UGT1A9: variants seen among roughly 807,000 people sequenced by gnomAD.
The protein encoded by UGT1A9 is UDP glucuronosyltransferase family 1 member A9.
In UGT1A9, 35 loss-of-function variants were observed where a neutral mutation model predicts 45.0. The observed-to-expected ratio is 0.78, with a 90% confidence interval of 0.59 to 1.03. The LOEUF (loss-of-function observed/expected upper bound fraction) is 1.03. Among genes scored for constraint, UGT1A9 ranks in the 50% least tolerant of loss-of-function variants. UGT1A9 has a pLI of 0.00. For synonymous variants in UGT1A9, 278 were observed against 250.6 expected, an observed-to-expected ratio of 1.11 and a Z score of -1.03; for missense variants, 687 against 666.6, an observed-to-expected ratio of 1.03 and a Z score of -0.34.
At chr2:233,753,682 C>T (rs1184784607) in intron 1 of UGT1A9, 1 of 152,178 alleles carries the variant, frequency 6.6e-6, no homozygotes, top group Non-Finnish European at 1.5e-5. Context: ...CTCACCCAAA[C>T]AATATTACAG....
At chr2:233,694,004 C>T in intron 1 of UGT1A9, 1 of 1,466,316 alleles carries the variant, frequency 6.8e-7, no homozygotes, top group Non-Finnish European at 9.2e-7. Flanking sequence ...CGGCTCGGAG[C>T]AGCGGGAACA....
At chr2:233,738,077 A>T (rs1287862175) in intron 1 of UGT1A9, among the ~76,000 whole-genome samples, 1 of 152,120 alleles carries the variant, frequency 6.6e-6, no homozygotes, top group Non-Finnish European at 1.5e-5. Context: ...CCACCTCCTA[A>T]TCTCATCATA....
At chr2:233,682,879 A>C in intron 1 of UGT1A9, 3 of 1,512,746 alleles carry the variant, frequency 2.0e-6, no homozygotes, top group Admixed American at 2.2e-5. Flanking sequence ...TATCATTTAC[A>C]TTTGTCCCAT....
At chr2:233,708,998 T>C (rs1323925794) in intron 1 of UGT1A9, among the ~76,000 whole-genome samples, 1 of 152,178 alleles carries the variant, frequency 6.6e-6, no homozygotes, top group Non-Finnish European at 1.5e-5. Context: ...GGCATCCTTC[T>C]CAGTGTCATA....
At chr2:233,747,606 C>T (rs1358183781) in intron 1 of UGT1A9, 1 of 1,574,604 alleles carries the variant, frequency 6.4e-7, no homozygotes, top group Admixed American at 1.7e-5. Flanking sequence ...TGTGGAGCTA[C>T]TGCATAATGA....
At chr2:233,744,065 G>A in intron 1 of UGT1A9, 1 of 544,540 alleles carries the variant, frequency 1.8e-6, no homozygotes. Flanking sequence ...CGAGGCCTAT[G>A]AGCGCCTCGC....
At chr2:233,712,851 A>G in intron 1 of UGT1A9, 1 of 1,539,628 alleles carries the variant, frequency 6.5e-7, no homozygotes, top group East Asian at 2.4e-5. Context: ...ACGGGTAATA[A>G]GTAACTGGAG....
intron 4 of UGT1A9, 35 bp downstream of exon 4, chr2:233,768,474 T>C (rs1361024311): frequency 6.3e-7 from 1 of 1,597,622 alleles, no homozygotes; most frequent in Non-Finnish European, 8.5e-7. Flanking sequence ...ACTTTGGTCA[T>C]GGCATTCATG....
rs988278598 is a variant in UGT1A9, at chr2:233,758,928, G to A, written c.856-8106G>A. Among the ~76,000 whole-genome samples the A allele has an allele frequency of 5.9e-5, 9 of 152,130 alleles. 1 individual carries two copies. The highest frequency in any genetic ancestry group is 3.3e-4 in the Admixed American group (5 of 15,276). On this transcript the variant is annotated intron_variant, in intron 1 of 4. Coordinates refer to ENST00000354728, the MANE Select transcript of UGT1A9 (RefSeq NM_021027.3). Reference sequence around the variant, plus strand: ...TTGTTTTTGCTCATCTTTCCCTTTTGACTTCAAATCAGTCATCAGAATTTC... The same window carrying A: ...TTGTTTTTGCTCATCTTTCCCTTTTAACTTCAAATCAGTCATCAGAATTTC...
At chr2:233,743,042 G>A (rs554129345) in intron 1 of UGT1A9, 2 of 311,812 alleles carry the variant, frequency 6.4e-6, no homozygotes, top group East Asian at 8.2e-5. Flanking sequence ...GGTCCTATCC[G>A]TGTAGTCCCA....
intron 1 of UGT1A9, among the ~76,000 whole-genome samples, chr2:233,722,234 T>C (rs551912066): frequency 1.3e-5 from 2 of 152,362 alleles, no homozygotes; most frequent in East Asian, 1.9e-4. Flanking sequence ...ATCTTTATCA[T>C]GTATTATCTG....
chr2:233,726,352 A>G (rs1342546979), intron 1 of UGT1A9, among the ~76,000 whole-genome samples: 1 of 152,162 alleles, frequency 6.6e-6, no homozygotes, highest in Non-Finnish European at 1.5e-5. Context: ...TGATTTATTT[A>G]TTTAAAACAC....
intron 1 of UGT1A9, among the ~76,000 whole-genome samples, chr2:233,725,937 A>T (rs911094598): frequency 6.6e-6 from 1 of 152,148 alleles, no homozygotes; most frequent in Non-Finnish European, 1.5e-5. Context: ...AGACTGATGC[A>T]GGAGGATTGT....
chr2:233,760,559 C>G (rs776620061), intron 1 of UGT1A9: 5 of 1,614,238 alleles, frequency 3.1e-6, no homozygotes, highest in Non-Finnish European at 2.5e-6. Flanking sequence ...GTGAAAGAGT[C>G]TTTTGTTAGT....
chr2:233,699,369 C>T (rs2075501600), intron 1 of UGT1A9, among the ~76,000 whole-genome samples: 1 of 152,102 alleles, frequency 6.6e-6, no homozygotes, highest in African/African-American at 2.4e-5. Context: ...ATTGGTATGG[C>T]TAGATTTCAA....
At chr2:233,727,451 G>A (rs2077618164) in intron 1 of UGT1A9, among the ~76,000 whole-genome samples, 1 of 152,150 alleles carries the variant, frequency 6.6e-6, no homozygotes, top group African/African-American at 2.4e-5. Flanking sequence ...GAAATCAGAT[G>A]ACTTCACTGT....
chr2:233,747,935 G>A lies in UGT1A9; in HGVS notation c.856-19099G>A, dbSNP rs926713638. On this transcript the variant is annotated intron_variant, in intron 1 of 4. Transcript: ENST00000354728. The stretch of plus-strand genomic sequence containing the variant: ...GCCTTGCCTCTGAGCTTTTTCAGAG[G>A]GAGGTGTCAGTGGTGGATCTTCTCA... 5.5e-5 allele frequency: 89 copies of A among 1,613,314 alleles called. No individual in the cohort carries two copies. In the Admixed American group the frequency reaches 6.2e-4, roughly 11 times the overall value.
chr2:233,747,565 A>G, intron 1 of UGT1A9: 1 of 1,593,778 alleles, frequency 6.3e-7, no homozygotes, highest in Non-Finnish European at 8.6e-7. Flanking sequence ...GCAATTTTGA[A>G]AAATTCATCT....
intron 1 of UGT1A9, chr2:233,713,468 G>A (rs1235260957): frequency 8.1e-6 from 13 of 1,613,904 alleles, no homozygotes; most frequent in East Asian, 4.5e-5. Context: ...TCTGCGCGGC[G>A]GTGCTGGCTA....
Sources: gnomAD v4.1 joint callset for allele counts (sites outside exome capture counted in the v4.1 genomes callset) on GRCh38, gnomAD v4.1.1 for gene constraint, MANE v1.5 for transcripts, NCBI Gene and HGNC (gene_info 2026-07-23, HGNC 2026-07-21) for gene names.